The following RNF169 variants were observed in gnomAD, a reference collection of about 807,000 sequenced individuals.
RNF169 encodes the protein ring finger protein 169, also known as E3 ubiquitin-protein ligase RNF169.
A neutral mutation model predicts 53.9 loss-of-function variants in RNF169; 24 were observed. That is an observed-to-expected ratio of 0.45 (90% CI 0.32 to 0.63). RNF169 has a LOEUF of 0.63. Among genes scored for constraint, RNF169 ranks in the 20% least tolerant of loss-of-function variants. The pLI, the probability that RNF169 is intolerant of heterozygous loss-of-function variation, is 0.04. For synonymous variants in RNF169, 396 were observed against 363.5 expected (o/e 1.09, Z -1.02); for missense variants, 883 against 906.2 (o/e 0.97, Z 0.33).
chr11:74,831,326 T>G (rs2036174510), intron 4 of RNF169: 1 of 152,108 alleles, frequency 6.6e-6, no homozygotes, highest in African/African-American at 2.4e-5. Context: ...CACACAAAAA[T>G]CAGTTGCATT....
At chr11:74,822,886 G>C (rs1177429490) in intron 4 of RNF169, among the ~76,000 whole-genome samples, 1 of 152,106 alleles carries the variant, frequency 6.6e-6, no homozygotes, top group Non-Finnish European at 1.5e-5. Flanking sequence ...TATATCCACT[G>C]TATGCCAGGC....
At chr11:74,804,319 G>C (rs2035774703) in intron 2 of RNF169, among the ~76,000 whole-genome samples, 1 of 152,108 alleles carries the variant, frequency 6.6e-6, no homozygotes, top group South Asian at 2.1e-4. Context: ...AAATAGGTTA[G>C]GAAACGAGTG....
chr11:74,841,263 G>A lies in RNF169; in HGVS notation c.*4533G>A, dbSNP rs931167244. 2 of 152,118 alleles carry A rather than the reference G, an allele frequency of 1.3e-5. No homozygotes were observed. Among genetic ancestry groups the A allele is most frequent in the African/African-American group, 2.4e-5 (1 of 41,422 alleles). 9.4% of individuals were successfully genotyped at this position (152,118 alleles called of 1,614,324 possible). A position where few individuals can be genotyped will look rare whatever the true frequency, so the allele number is the denominator to read the frequency against. On this transcript the variant is annotated 3_prime_UTR_variant, in exon 6 of 6. Transcript: ENST00000299563. The stretch of plus-strand genomic sequence containing the variant: ...TTGAACTGGTATCTAAACATACCTG[G>A]TTATGAATTCTCAAAAGAGAAAGCA...
intron 1 of RNF169, among the ~76,000 whole-genome samples, chr11:74,766,640 G>T (rs1591391959): frequency 6.6e-6 from 1 of 152,172 alleles, no homozygotes; most frequent in Non-Finnish European, 1.5e-5. Context: ...TAGGGAGCAG[G>T]TATTGATTAG....
intron 1 of RNF169, among the ~76,000 whole-genome samples, chr11:74,767,773 T>G (rs1262631760): frequency 6.6e-6 from 1 of 151,968 alleles, no homozygotes; most frequent in African/African-American, 2.4e-5. Context: ...GAGACGGGGT[T>G]TCACCGTGTT....
chr11:74,751,669 ATTACT>A (rs2034897205), intron 1 of RNF169, among the ~76,000 whole-genome samples: 1 of 152,244 alleles, frequency 6.6e-6, no homozygotes, highest in Admixed American at 6.5e-5. Flanking sequence ...GTATTCATTA[ATTACT>A]TTATATGTTT....
chr11:74,762,209 A>AT (rs2035096087), intron 1 of RNF169, among the ~76,000 whole-genome samples: 1 of 149,556 alleles, frequency 6.7e-6, no homozygotes, highest in East Asian at 2.0e-4. Context: ...ATTCTTCTAA[A>AT]TTTTTTTCAA....
chr11:74,785,105 C>T (rs1432680982), intron 1 of RNF169, among the ~76,000 whole-genome samples: 1 of 147,788 alleles, frequency 6.8e-6, no homozygotes, highest in Admixed American at 6.8e-5. Context: ...TATTTTGATC[C>T]CCATTTGATA....
intron 4 of RNF169, 51 bp from the exon 5 acceptor site, chr11:74,834,625 C>A: frequency 7.4e-7 from 1 of 1,356,988 alleles, no homozygotes; most frequent in Non-Finnish European, 1.0e-6. Context: ...TTTTTCCTTA[C>A]CTATATATGG....
intron 4 of RNF169, among the ~76,000 whole-genome samples, chr11:74,833,887 T>A (rs1325395604): frequency 6.6e-6 from 1 of 152,120 alleles, no homozygotes; most frequent in Admixed American, 6.5e-5. Context: ...TACAAAAGGA[T>A]AAAGTTGGAC....
At chr11:74,752,595 C>CAAA (rs371908528) in intron 1 of RNF169, among the ~76,000 whole-genome samples, 2 of 111,882 alleles carry the variant, frequency 1.8e-5, no homozygotes, top group Admixed American at 9.5e-5. Flanking sequence ...GACTCTGTCT[C>CAAA]AAAAAAAAAA....
intron 4 of RNF169, 93 bp downstream of exon 4, chr11:74,817,807 CT>C: frequency 1.3e-6 from 1 of 797,280 alleles, no homozygotes; most frequent in South Asian, 1.5e-5. Context: ...GTTGTGGCTA[CT>C]TTGGTGGGGA....
At chr11:74,792,937 A>C (rs1419428649) in intron 2 of RNF169, among the ~76,000 whole-genome samples, 1 of 152,210 alleles carries the variant, frequency 6.6e-6, no homozygotes, top group Non-Finnish European at 1.5e-5. Flanking sequence ...CACCCACCCC[A>C]AGTACCCAAG....
intron 1 of RNF169, among the ~76,000 whole-genome samples, chr11:74,783,109 G>A (rs994610072): frequency 1.3e-5 from 2 of 152,050 alleles, no homozygotes; most frequent in African/African-American, 4.8e-5. Context: ...GAGTTTTTGG[G>A]ATAGCATCTT....
intron 1 of RNF169, among the ~76,000 whole-genome samples, chr11:74,780,482 A>G (rs909081568): frequency 1.3e-5 from 2 of 152,212 alleles, no homozygotes; most frequent in African/African-American, 4.8e-5. Flanking sequence ...AATGCCTAAC[A>G]TAATTCACCT....
At chr11:74,754,010 A>G (rs1446082141) in intron 1 of RNF169, among the ~76,000 whole-genome samples, 2 of 152,204 alleles carry the variant, frequency 1.3e-5, no homozygotes, top group Non-Finnish European at 2.9e-5. Context: ...AAATGAACTC[A>G]GAGTTCAACT....
intron 1 of RNF169, among the ~76,000 whole-genome samples, chr11:74,772,072 T>G (rs141508390): frequency 1.4e-4 from 22 of 152,358 alleles, no homozygotes; most frequent in Non-Finnish European, 2.5e-4. Context: ...AATGCTTTGA[T>G]GTATAAACTA....
chr11:74,788,364 G>C (rs1371939217), intron 1 of RNF169, among the ~76,000 whole-genome samples: 1 of 151,498 alleles, frequency 6.6e-6, no homozygotes, highest in Non-Finnish European at 1.5e-5. Context: ...CTGTATTTTT[G>C]CCACCTTTTG....
chr11:74,799,061 GA>G lies in RNF169; in HGVS notation c.576+9375del, dbSNP rs528246759. 2.0e-3 allele frequency among the ~76,000 whole-genome samples: 168 copies of G among 82,596 alleles called. 2 individuals are homozygous for G. The East Asian group carries it at 0.028, about 14-fold the overall frequency. The allele number at this position is 82,596 out of a possible 152,430, so 54.2% of individuals were successfully genotyped here. A position where few individuals can be genotyped will look rare whatever the true frequency, so the allele number is the denominator to read the frequency against. On this transcript the variant is annotated intron_variant, in intron 2 of 5. Transcript: ENST00000299563. ...AGAGCAAGACCCCGTCTCAAAAAAA[GA>G]AAAAAAAAAAAAGATTTCCAGTGGT...
Sources: gnomAD v4.1 joint callset for allele counts (sites outside exome capture counted in the v4.1 genomes callset) on GRCh38, gnomAD v4.1.1 for gene constraint, MANE v1.5 for transcripts, NCBI Gene and HGNC (gene_info 2026-07-23, HGNC 2026-07-21) for gene names.